PHLDB2: variants seen among roughly 807,000 people sequenced by gnomAD.
PHLDB2 encodes pleckstrin homology-like domain family B member 2.
A neutral mutation model predicts 123.6 loss-of-function variants in PHLDB2; 71 were observed. The ratio of observed to expected loss-of-function variants is 0.57; its 90% CI spans 0.47 to 0.70. The LOEUF (loss-of-function observed/expected upper bound fraction) is 0.70, where lower values mean the gene tolerates loss of function less well. Ranked by LOEUF, PHLDB2 falls within the 30% of genes least tolerant of loss-of-function variation. PHLDB2 has a pLI of 0.00. For missense variants in PHLDB2, 1,446 were observed against 1,519.5 expected, an observed-to-expected ratio of 0.95 and a Z score of 0.80; for synonymous variants, 547 against 541.6, an observed-to-expected ratio of 1.01 and a Z score of -0.14.
At chr3:111,923,491 A>T (rs750753144) in intron 5 of PHLDB2, among the ~76,000 whole-genome samples, 1 of 152,150 alleles carries the variant, frequency 6.6e-6, no homozygotes, top group Non-Finnish European at 1.5e-5. Flanking sequence ...GGTGACTATC[A>T]TAGGGATTTC....
At chr3:111,754,834 T>G (rs988815006) in intron 1 of PHLDB2, among the ~76,000 whole-genome samples, 30 of 142,930 alleles carry the variant, frequency 2.1e-4, no homozygotes, top group Non-Finnish European at 4.1e-4. Context: ...CATCAATACC[T>G]AATTTATTGA....
rs1559854864 is a variant in PHLDB2, at chr3:111,830,952, AAAG to A, written c.-48-14867_-48-14865del. Among the ~76,000 whole-genome samples the A allele has an allele frequency of 7.6e-3, 745 of 98,472 alleles. 48 individuals are homozygous for A. Among genetic ancestry groups the A allele is most frequent in the South Asian group, 8.4e-3 (24 of 2,846 alleles). The allele number at this position is 98,472 out of a possible 152,430, so 64.6% of individuals were successfully genotyped here. ...AAAGAAAGAAAAGAAGGAAAGAAAG[AAAG>A]AGAAAGAAAGAAAGAAAGAAAGAAA... is the stretch of plus-strand genomic sequence containing the variant. On this transcript the variant is annotated intron_variant, in intron 1 of 17. Transcript: ENST00000393923.
intron 1 of PHLDB2, among the ~76,000 whole-genome samples, chr3:111,838,819 G>A: frequency 6.6e-6 from 1 of 152,086 alleles, no homozygotes; most frequent in East Asian, 1.9e-4. Flanking sequence ...AGCAGTTAGT[G>A]CTGAGCATAT....
At chr3:111,935,544 A>T (rs199671023) in intron 6 of PHLDB2, among the ~76,000 whole-genome samples, 2 of 96,350 alleles carry the variant, frequency 2.1e-5, no homozygotes, top group South Asian at 7.4e-4. Context: ...GATAGATAGA[A>T]GGGGAGTTCA....
At chr3:111,956,761 G>A (rs1172571646) in intron 12 of PHLDB2, among the ~76,000 whole-genome samples, 1 of 152,162 alleles carries the variant, frequency 6.6e-6, no homozygotes, top group Non-Finnish European at 1.5e-5. Flanking sequence ...AAACTGGCAG[G>A]ATTTTCTACA....
At position 111,755,310 on chromosome 3, in the gene PHLDB2, T is replaced by C. The variant is rs926459516; in HGVS notation, c.-49+22607T>C. On this transcript the variant is annotated intron_variant, in intron 1 of 17. Coordinates refer to the PHLDB2 transcript ENST00000393923. ...CTCTTTTTGGTTGGTAAGCTATTGA[T>C]TAGTGCCACAATTTCAGAGCCTGTT... 1.7e-3 allele frequency among the ~76,000 whole-genome samples: 251 copies of C among 144,678 alleles called. 1 individual carries two copies. Among genetic ancestry groups the C allele is most frequent in the African/African-American group, 6.1e-3 (237 of 38,780 alleles). The allele number at this position is 144,678 out of a possible 152,430, so 94.9% of individuals were successfully genotyped here. A position where few individuals can be genotyped will look rare whatever the true frequency, so the allele number is the denominator to read the frequency against.
In PHLDB2 at chr3:111,746,847, A is replaced by G. The variant is rs2059689112; in HGVS notation, c.-49+14144A>G. ...TTGGTATTTTAGAATTTTGAAGACT[A>G]AAAGGACATATATTTCAGAGAGGAG... On this transcript the variant is annotated intron_variant, in intron 1 of 17. Transcript: ENST00000393923. 3.3e-5 allele frequency among the ~76,000 whole-genome samples: 5 copies of G among 152,332 alleles called. No individual in the cohort carries two copies. In the South Asian group the frequency reaches 1.0e-3, roughly 32 times the overall value.
chr3:111,880,342 G>T (rs2065875100), intron 1 of PHLDB2, among the ~76,000 whole-genome samples: 1 of 152,102 alleles, frequency 6.6e-6, no homozygotes, highest in South Asian at 2.1e-4. Context: ...TGATGCCTTT[G>T]GTGTTGGACT....
chr3:111,949,950 G>A (rs1205453186), intron 10 of PHLDB2: 32 of 951,752 alleles, frequency 3.4e-5, no homozygotes, highest in Non-Finnish European at 4.0e-5. Flanking sequence ...AATTACTTAT[G>A]TGAAATCTTT....
intron 1 of PHLDB2, among the ~76,000 whole-genome samples, chr3:111,832,687 A>T (rs184958506): frequency 0.015 from 1,365 of 91,184 alleles, 42 homozygotes; most frequent in African/African-American, 0.042. Flanking sequence ...TTATACATAT[A>T]ATATATATAA....
At chr3:111,934,787 A>C (rs72622322) in intron 6 of PHLDB2, among the ~76,000 whole-genome samples, 4,223 of 152,302 alleles carry the variant, frequency 0.028, 351 homozygotes, top group East Asian at 0.26. Context: ...CATTTAACTC[A>C]TCTCATGTGG....
chr3:111,800,271 G>A (rs2061330413), intron 1 of PHLDB2, among the ~76,000 whole-genome samples: 1 of 152,196 alleles, frequency 6.6e-6, no homozygotes, highest in South Asian at 2.1e-4. Context: ...TTCCCAAAGT[G>A]CTGGGATTAC....
intron 2 of PHLDB2, among the ~76,000 whole-genome samples, chr3:111,849,912 A>AGTGCAGTG: frequency 6.7e-6 from 1 of 150,192 alleles, no homozygotes; most frequent in South Asian, 2.1e-4. Context: ...CCCAGGCTAG[A>AGTGCAGTG]GTGCAGTGGC....
chr3:111,854,950 A>G (rs1406133551), upstream of PHLDB2, among the ~76,000 whole-genome samples: 1 of 152,224 alleles, frequency 6.6e-6, no homozygotes, highest in Non-Finnish European at 1.5e-5. Flanking sequence ...TGCTCTGTGA[A>G]TCTGCCCATG....
chr3:111,962,643 G>C (rs1172869770), intron 13 of PHLDB2, among the ~76,000 whole-genome samples: 1 of 152,088 alleles, frequency 6.6e-6, no homozygotes, highest in Non-Finnish European at 1.5e-5. Flanking sequence ...ATTTAAAAAA[G>C]AGGGCCCAGG....
rs146259627 is a variant in PHLDB2 at position 111,890,100 on chromosome 3, A to G, written c.1335+4688A>G. ...AAACAAATTATAAACAACAACAACA[A>G]CAAACAAATACTCTGTCACCTCTCA... On this transcript the variant is annotated intron_variant, in intron 2 of 17. Transcript: ENST00000431670. 4.6e-5 allele frequency among the ~76,000 whole-genome samples: 7 copies of G among 152,326 alleles called. No individual in the cohort carries two copies. The East Asian group carries it at 1.3e-3, about 29-fold the overall frequency.
intron 1 of PHLDB2, among the ~76,000 whole-genome samples, chr3:111,734,165 T>C (rs1199143680): frequency 6.6e-6 from 1 of 152,176 alleles, no homozygotes; most frequent in Non-Finnish European, 1.5e-5. Context: ...TACGTTTCTG[T>C]GAAGATATTA....
At position 111,805,022 on chromosome 3, in the gene PHLDB2, AATGTAGAATTTGAAAGTGTCAAC is replaced by A. The variant is rs554899285; in HGVS notation, c.-48-40798_-48-40776del. 9.0e-3 allele frequency among the ~76,000 whole-genome samples: 1,378 copies of A among 152,304 alleles called. 13 individuals are homozygous for A. Among genetic ancestry groups the A allele is most frequent in the African/African-American group, 0.032 (1,322 of 41,540 alleles). On this transcript the variant is annotated intron_variant, in intron 1 of 17. Coordinates refer to the PHLDB2 transcript ENST00000393923. ...AGAAGTCTTATACACTGCTAGCAAG[AATGTAGAATTTGAAAGTGTCAAC>A]CTCAGTCACTTTGGAGAACAGTTTG...
intron 1 of PHLDB2, chr3:111,859,790 C>A: frequency 1.0e-6 from 1 of 980,852 alleles, no homozygotes; most frequent in South Asian, 4.7e-5. Flanking sequence ...GGCGGGCTCA[C>A]GGAGGGAGAC....
Sources: gnomAD v4.1 joint callset for allele counts (sites outside exome capture counted in the v4.1 genomes callset) on GRCh38, gnomAD v4.1.1 for gene constraint, MANE v1.5 for transcripts, NCBI Gene and HGNC (gene_info 2026-07-23, HGNC 2026-07-21) for gene names.